SYNE2: variants seen among roughly 807,000 people sequenced by gnomAD.
The protein encoded by SYNE2 is nesprin-2.
Under a neutral mutation model 856.3 loss-of-function variants are expected in SYNE2, and 431 were observed. That is an observed-to-expected ratio of 0.50 (90% CI 0.47 to 0.55). The LOEUF is 0.55. Ranked by LOEUF, SYNE2 falls within the 20% of genes least tolerant of loss-of-function variation. The probability of loss-of-function intolerance (pLI) is 0.00; values close to 1 mark genes in which losing one functional copy is unlikely to be tolerated. For synonymous variants in SYNE2, 2,923 were observed against 2,872.3 expected (o/e 1.02, Z -0.56); for missense variants, 8,129 against 8,023.2 (o/e 1.01, Z -0.50).
In SYNE2 at chr14:63,981,061, A is replaced by G. The variant is rs181140390; in HGVS notation, c.1724A>G (p.Tyr575Cys). The G allele has an allele frequency of 5.5e-4, 878 of 1,597,824 alleles. 4 individuals are homozygous for G. Among genetic ancestry groups the G allele is most frequent in the Non-Finnish European group, 8.1e-5 (94 of 1,165,434 alleles). ...GTTTGTATGTATAGAAAAAATATAT[A>G]TAATGTGAAGTCCACTCTACAAAAA... Reference protein sequence around the residue: ...SDVCMYRKNIYNVKSTLQKVL... With the variant: ...SDVCMYRKNICNVKSTLQKVL... The change falls in exon 16 of 116, where the codon TAT becomes TGT. Residue 575 changes from tyrosine (Y) to cysteine (C), a missense_variant. Tyr to Cys is a radical substitution (Grantham distance 194). Transcript: ENST00000555002.
intron 95 of SYNE2, 101 bp downstream of exon 95, chr14:64,175,239 T>C: frequency 7.4e-7 from 1 of 1,345,870 alleles, no homozygotes; most frequent in South Asian, 1.3e-5. Context: ...AACTATAGTA[T>C]CATGAGTTTC....
chr14:64,036,555 C>T (rs1030204137), intron 45 of SYNE2, among the ~76,000 whole-genome samples: 1 of 152,140 alleles, frequency 6.6e-6, no homozygotes, highest in African/African-American at 2.4e-5. Flanking sequence ...TCCTAAAATG[C>T]TGGGATTACA....
intron 1 of SYNE2, among the ~76,000 whole-genome samples, chr14:63,836,551 AC>A (rs1344599811): frequency 6.6e-6 from 1 of 152,154 alleles, no homozygotes; most frequent in African/African-American, 2.4e-5. Context: ...TCATTCTAAT[AC>A]CTATAGCACC....
chr14:64,128,487 G>A lies in SYNE2; in HGVS notation c.13953G>A (p.Lys4651=), dbSNP rs1390637049. ...AGAGATTATATCATCAGCTCATTAA[G>A]AGTAAGACATCTTTACAACAGTCTT... ...EIKRLYHQLI[K]SKTSLQQSLN... is the part of the protein sequence containing the mutation. Residue 4651 remains lysine, a synonymous_variant, in exon 74 of 116, where the codon AAG becomes AAA. Coordinates refer to ENST00000555002, the MANE Select transcript of SYNE2 (RefSeq NM_182914.3). 2.5e-6 allele frequency: 4 copies of A among 1,606,166 alleles called. No individual in the cohort carries two copies. The highest frequency in any genetic ancestry group is 3.3e-5 in the Admixed American group (2 of 59,980).
intron 110 of SYNE2, 108 bp from the exon 111 acceptor site, chr14:64,220,329 C>A: frequency 8.2e-7 from 1 of 1,223,608 alleles, no homozygotes; most frequent in Non-Finnish European, 1.2e-6. Context: ...ATTTCTGTGG[C>A]CGCAGCTTGG....
At chr14:63,958,389 G>A (rs939677785) in intron 8 of SYNE2, among the ~76,000 whole-genome samples, 1 of 152,144 alleles carries the variant, frequency 6.6e-6, no homozygotes, top group African/African-American at 2.4e-5. Context: ...CAGTTTTAGA[G>A]ATTACTGGTT....
At chr14:64,212,695 A>G in intron 104 of SYNE2, 116 bp from the exon 105 acceptor site, 1 of 966,052 alleles carries the variant, frequency 1.0e-6, no homozygotes, top group South Asian at 1.4e-5. Flanking sequence ...GTAGTAGGTG[A>G]AGGAAAACAA....
intron 1 of SYNE2, among the ~76,000 whole-genome samples, chr14:63,868,269 TAAG>T (rs1467498605): frequency 6.6e-6 from 1 of 151,758 alleles, no homozygotes; most frequent in Admixed American, 6.6e-5. Flanking sequence ...CAGTCAAAAA[TAAG>T]AACCCAAGCC....
intron 1 of SYNE2, among the ~76,000 whole-genome samples, chr14:63,876,996 A>C (rs1273239021): frequency 6.6e-6 from 1 of 152,192 alleles, no homozygotes; most frequent in East Asian, 1.9e-4. Context: ...AATTGAGACT[A>C]AATCAGTTTT....
At chr14:63,994,880 G>A (rs954614948) in intron 22 of SYNE2, among the ~76,000 whole-genome samples, 164 bp from the exon 23 acceptor site, 2 of 151,992 alleles carry the variant, frequency 1.3e-5, no homozygotes, top group Non-Finnish European at 2.9e-5. Context: ...TATGAGCCTG[G>A]GATGTTTTAA....
Position 64,140,035 on chromosome 14 carries a change from G to A in SYNE2, c.14938G>A (p.Asp4980Asn). 6.2e-7 allele frequency: 1 copy of A among 1,613,944 alleles called. No individual in the cohort carries two copies. The highest frequency in any genetic ancestry group is 8.5e-7 in the Non-Finnish European group (1 of 1,179,980). Residue 4980 changes from aspartate to asparagine, a missense_variant, in exon 80 of 116, where the codon GAC (aspartate) becomes AAC (asparagine). By Grantham distance (23) the Asp-to-Asn change is conservative (BLOSUM62 1). Coordinates refer to ENST00000555002, the MANE Select transcript of SYNE2 (RefSeq NM_182914.3). Reference sequence around the variant, plus strand: ...AGAACAGTCCCTCAATGTGTCTCAGGACTTGGATACAATCAGAAGCAACAT... The same window carrying A: ...AGAACAGTCCCTCAATGTGTCTCAGAACTTGGATACAATCAGAAGCAACAT... Reference protein sequence around the residue: ...WKEQSLNVSQDLDTIRSNINN... With the variant: ...WKEQSLNVSQNLDTIRSNINN...
At chr14:63,946,461 A>C (rs999603118) in intron 6 of SYNE2, among the ~76,000 whole-genome samples, 28 of 148,328 alleles carry the variant, frequency 1.9e-4, no homozygotes, top group Non-Finnish European at 3.0e-4. Flanking sequence ...TATACTGGAG[A>C]TATAGATATA....
chr14:64,120,830 A>G, intron 67 of SYNE2, 97 bp from the exon 68 acceptor site: 3 of 1,239,912 alleles, frequency 2.4e-6, no homozygotes, highest in Non-Finnish European at 3.5e-6. Flanking sequence ...CATTTATTTC[A>G]TGTAAAATTT....
chr14:64,220,552 G>T lies in SYNE2; in HGVS notation c.19976G>T (p.Arg6659Leu). The T allele has an allele frequency of 1.2e-6, 2 of 1,614,100 alleles. No individual in the cohort carries two copies. The highest frequency in any genetic ancestry group is 1.1e-5 in the South Asian group (1 of 91,060). ...TCCACAGAGCTCCAAAGTAGACTCC[G>T]CCAGCTGAGCCTGCTCTGGGAAGCA... ...PESTELQSRL[R>L]QLSLLWEAAQ... is the part of the protein sequence containing the mutation. The change falls in exon 111 of 116, where the codon CGC becomes CTC. Residue 6659 changes from arginine (R) to leucine (L), a missense_variant. Physicochemically the swap from Arg to Leu is moderately radical, Grantham distance 102. Coordinates refer to ENST00000555002, the MANE Select transcript of SYNE2 (RefSeq NM_182914.3).
intron 87 of SYNE2, 149 bp downstream of exon 87, chr14:64,159,591 G>C: frequency 1.1e-6 from 1 of 908,704 alleles, no homozygotes; most frequent in Non-Finnish European, 1.7e-6. Flanking sequence ...GATGAATCTA[G>C]TCTATGTAAG....
At chr14:64,216,020 C>T in intron 107 of SYNE2, 1 of 1,452,714 alleles carries the variant, frequency 6.9e-7, no homozygotes, top group Non-Finnish European at 9.1e-7. Context: ...CATCCCACAG[C>T]AAATCATGTT....
chr14:63,953,664 ATTG>A (rs921633575), intron 7 of SYNE2, among the ~76,000 whole-genome samples: 32 of 152,304 alleles, frequency 2.1e-4, no homozygotes, highest in African/African-American at 7.5e-4. Flanking sequence ...CTACATTCAT[ATTG>A]TTGTGTAACC....
intron 94 of SYNE2, among the ~76,000 whole-genome samples, chr14:64,174,659 T>C (rs2098425638): frequency 2.6e-5 from 4 of 152,244 alleles, no homozygotes. Flanking sequence ...TTCTATGATG[T>C]ATATTTTTTT....
At chr14:63,950,495 C>T (rs556900185) in intron 7 of SYNE2, among the ~76,000 whole-genome samples, 10 of 152,212 alleles carry the variant, frequency 6.6e-5, no homozygotes, top group South Asian at 2.1e-4. Context: ...GCGGAGGTTG[C>T]GGTGAGCTGA....
Sources: allele counts gnomAD v4.1 joint callset (sites outside exome capture counted in the v4.1 genomes callset), GRCh38; gene constraint gnomAD v4.1.1; transcripts MANE v1.5; gene names NCBI Gene and HGNC (gene_info 2026-07-23, HGNC 2026-07-21).